ZNRF1: variants seen among roughly 807,000 people sequenced by gnomAD.
ZNRF1 encodes E3 ubiquitin-protein ligase ZNRF1.
A neutral mutation model predicts 18.4 loss-of-function variants in ZNRF1; 3 were observed. The observed-to-expected ratio is 0.16, with a 90% CI of 0.07 to 0.42. ZNRF1 has a LOEUF of 0.42. ZNRF1 is among the 10% of genes least tolerant of loss of function. The probability of loss-of-function intolerance (pLI) is 0.99; values close to 1 mark genes in which losing one functional copy is unlikely to be tolerated. For missense variants in ZNRF1, 310 were observed against 329.8 expected, an observed-to-expected ratio of 0.94 and a Z score of 0.47; for synonymous variants, 157 against 144.2, an observed-to-expected ratio of 1.09 and a Z score of -0.64.
At chr16:75,022,020 C>T (rs1278715284) in intron 1 of ZNRF1, among the ~76,000 whole-genome samples, 1 of 152,114 alleles carries the variant, frequency 6.6e-6, no homozygotes, top group Non-Finnish European at 1.5e-5. Context: ...ATATGCTTTA[C>T]TATGGGTAAT....
intron 1 of ZNRF1, among the ~76,000 whole-genome samples, chr16:75,030,617 A>G (rs1305574071): frequency 6.6e-6 from 1 of 152,166 alleles, no homozygotes; most frequent in Admixed American, 6.6e-5. Flanking sequence ...TAGTCCAAAA[A>G]GAAACCCCAT....
At chr16:75,029,359 A>G (rs2035269670) in intron 1 of ZNRF1, among the ~76,000 whole-genome samples, 2 of 152,254 alleles carry the variant, frequency 1.3e-5, no homozygotes, top group African/African-American at 4.8e-5. Context: ...CATCTTAGCC[A>G]GGATAGTCTC....
intron 1 of ZNRF1, among the ~76,000 whole-genome samples, chr16:75,044,530 AT>A (rs35670893): frequency 4.7e-3 from 674 of 143,230 alleles, no homozygotes; most frequent in Non-Finnish European, 7.4e-3. Context: ...GCACCCAGCC[AT>A]TTTTTTTTTT....
intron 1 of ZNRF1, among the ~76,000 whole-genome samples, chr16:75,006,597 G>C (rs1031443618): frequency 6.6e-6 from 1 of 152,104 alleles, no homozygotes; most frequent in Admixed American, 6.5e-5. Flanking sequence ...CACCACGCCT[G>C]ACTAGTTTTT....
At chr16:75,096,656 T>C (rs189158256) in intron 2 of ZNRF1, among the ~76,000 whole-genome samples, 88 of 152,350 alleles carry the variant, frequency 5.8e-4, no homozygotes, top group African/African-American at 2.1e-3. Flanking sequence ...ACACACACTT[T>C]CTGTGGTTGT....
At chr16:75,001,406 G>T (rs975338602) in intron 1 of ZNRF1, among the ~76,000 whole-genome samples, 1 of 130,436 alleles carries the variant, frequency 7.7e-6, no homozygotes, top group African/African-American at 2.6e-5. Context: ...CTTAGAAGTA[G>T]CTTGTGAATT....
intron 2 of ZNRF1, among the ~76,000 whole-genome samples, chr16:75,102,485 C>T (rs954092890): frequency 6.6e-6 from 1 of 152,194 alleles, no homozygotes; most frequent in Non-Finnish European, 1.5e-5. Flanking sequence ...AGGGATCCTG[C>T]CACAAGCTCT....
At chr16:75,032,695 A>G (rs994359090) in intron 1 of ZNRF1, among the ~76,000 whole-genome samples, 4 of 152,210 alleles carry the variant, frequency 2.6e-5, no homozygotes, top group African/African-American at 9.6e-5. Context: ...ATGTCTTACA[A>G]CTCAACAACC....
At chr16:75,063,473 G>GT (rs2035766570) in intron 1 of ZNRF1, among the ~76,000 whole-genome samples, 1 of 152,146 alleles carries the variant, frequency 6.6e-6, no homozygotes, top group South Asian at 2.1e-4. Context: ...GGCATCCAGG[G>GT]TGCTGCATTC....
In ZNRF1 at chr16:74,999,989, G is replaced by T. The variant is rs142283044; in HGVS notation, c.318G>T (p.Thr106=). The change falls in exon 1 of 5, where the codon ACG becomes ACT. Residue 106 remains threonine, a synonymous_variant. Transcript: ENST00000335325. ...TYAHGNGYQE[T]GGGHHRDGML... is the part of the protein sequence containing the mutation. Reference sequence around the variant, plus strand: ...CCCATGGCAATGGTTACCAGGAGACGGGCGGCGGTCACCATAGAGACGGGA... The same window carrying T: ...CCCATGGCAATGGTTACCAGGAGACTGGCGGCGGTCACCATAGAGACGGGA... 5 of 1,585,632 alleles carry T rather than the reference G, an allele frequency of 3.2e-6. No individual in the cohort carries two copies. The highest frequency in any genetic ancestry group is 4.3e-6 in the Non-Finnish European group (5 of 1,167,052).
At chr16:75,011,875 A>G (rs2035004616) in intron 1 of ZNRF1, among the ~76,000 whole-genome samples, 2 of 152,228 alleles carry the variant, frequency 1.3e-5, no homozygotes, top group African/African-American at 2.4e-5. Context: ...GGAATCTCCT[A>G]TGAAGTGGCA....
chr16:75,028,552 C>T (rs1020040252), intron 1 of ZNRF1, among the ~76,000 whole-genome samples: 1 of 152,262 alleles, frequency 6.6e-6, no homozygotes, highest in African/African-American at 2.4e-5. Flanking sequence ...ACCTTGGGCT[C>T]CCAAAGTGCT....
At chr16:75,017,856 C>T (rs373544702) in intron 1 of ZNRF1, among the ~76,000 whole-genome samples, 8 of 152,044 alleles carry the variant, frequency 5.3e-5, no homozygotes, top group African/African-American at 1.9e-4. Context: ...GCCAGAGATG[C>T]CTTTATTGGA....
At chr16:75,061,159 G>A (rs551798448) in intron 1 of ZNRF1, among the ~76,000 whole-genome samples, 1 of 152,246 alleles carries the variant, frequency 6.6e-6, no homozygotes, top group African/African-American at 2.4e-5. Context: ...AGTTACACAC[G>A]AAACAATTAC....
chr16:75,004,434 T>A (rs1453835958), intron 1 of ZNRF1, among the ~76,000 whole-genome samples: 1 of 152,156 alleles, frequency 6.6e-6, no homozygotes, highest in Non-Finnish European at 1.5e-5. Context: ...CCATCCACCA[T>A]GTTGAAAGAA....
chr16:75,088,014 G>A (rs1456705365), intron 1 of ZNRF1, among the ~76,000 whole-genome samples: 2 of 152,216 alleles, frequency 1.3e-5, no homozygotes, highest in Non-Finnish European at 2.9e-5. Flanking sequence ...AGGTCTCCGA[G>A]GAAGTTTGAC....
At chr16:75,038,924 G>T (rs1322026946) in intron 1 of ZNRF1, among the ~76,000 whole-genome samples, 2 of 152,134 alleles carry the variant, frequency 1.3e-5, no homozygotes, top group Admixed American at 1.3e-4. Context: ...AGTATACAGT[G>T]ATGTTGAGTA....
chr16:75,096,773 G>T (rs548500164), intron 2 of ZNRF1, among the ~76,000 whole-genome samples: 56 of 152,310 alleles, frequency 3.7e-4, no homozygotes, highest in Non-Finnish European at 5.7e-4. Flanking sequence ...GAGGCAGATA[G>T]AAAGTAGTAT....
chr16:75,075,066 T>C (rs1361167731), intron 1 of ZNRF1, among the ~76,000 whole-genome samples: 1 of 59,410 alleles, frequency 1.7e-5, no homozygotes, highest in Non-Finnish European at 3.0e-5. Context: ...TGTCTGCTTT[T>C]CCCCCCTATC....
Sources: allele counts gnomAD v4.1 joint callset (sites outside exome capture counted in the v4.1 genomes callset), GRCh38; gene constraint gnomAD v4.1.1; transcripts MANE v1.5; gene names NCBI Gene and HGNC (gene_info 2026-07-23, HGNC 2026-07-21).